The following RFX2 variants were observed in gnomAD, a reference collection of about 807,000 sequenced individuals.
The protein encoded by RFX2 is DNA-binding protein RFX2.
A neutral mutation model predicts 87.8 loss-of-function variants in RFX2; 20 were observed. That is an observed-to-expected ratio of 0.23 (90% confidence interval 0.16 to 0.33). RFX2 has a LOEUF of 0.33. RFX2 is among the 10% of genes least tolerant of loss of function. The pLI is 1.00. For missense variants in RFX2, 767 were observed against 1,012.3 expected, an observed-to-expected ratio of 0.76 and a Z score of 3.29; for synonymous variants, 397 against 431.3, an observed-to-expected ratio of 0.92 and a Z score of 0.98.
rs1256602639 is a variant in RFX2 at position 6,013,427 on chromosome 19, C to T, written c.780-322G>A. The stretch of plus-strand genomic sequence containing the variant: ...TCTCAAACTCCTGGGCTCAAGTGAT[C>T]CTCCTGCCTTGGCCTCCCAAAGTGC... On this transcript the variant is annotated intron_variant, in intron 7 of 17. Coordinates refer to ENST00000303657, the MANE Select transcript of RFX2 (RefSeq NM_000635.4). The surrounding 1 kb of genome is among the most constrained non-coding windows in gnomAD (Gnocchi z 4.1). 2.0e-5 allele frequency among the ~76,000 whole-genome samples: 3 copies of T among 151,608 alleles called. No individual in the cohort carries two copies. In the East Asian group the frequency reaches 5.8e-4, roughly 29 times the overall value.
At chr19:6,109,941 G>A (rs1007432034) in intron 1 of RFX2, among the ~76,000 whole-genome samples, 1 of 151,178 alleles carries the variant, frequency 6.6e-6, no homozygotes, top group Non-Finnish European at 1.5e-5. Flanking sequence ...GAAAATTCGA[G>A]GGTATGAGTA....
Position 6,042,134 on chromosome 19 carries a change from G to A in RFX2, c.181-11C>T, listed in dbSNP as rs768573733. On this transcript the variant is annotated splice_polypyrimidine_tract_variant and intron_variant, in intron 3 of 17. Transcript: ENST00000303657. ...CTGCACCGGCTGCACCTGAAACATC[G>A]GATACGCTGCGTTACCGCCAGTCAC... The A allele has an allele frequency of 1.9e-6, 3 of 1,613,012 alleles. No individual in the cohort carries two copies. Among genetic ancestry groups the A allele is most frequent in the Non-Finnish European group, 2.5e-6 (3 of 1,179,734 alleles).
chr19:6,100,273 T>C (rs2088098554), intron 1 of RFX2, among the ~76,000 whole-genome samples: 1 of 151,108 alleles, frequency 6.6e-6, no homozygotes, highest in Non-Finnish European at 1.5e-5. Context: ...CTTGAATGTG[T>C]GGTTACAACA....
At chr19:6,025,989 T>C (rs1341857073) in intron 6 of RFX2, among the ~76,000 whole-genome samples, 174 bp downstream of exon 6, 1 of 151,990 alleles carries the variant, frequency 6.6e-6, no homozygotes, top group Non-Finnish European at 1.5e-5. Context: ...TTCACCATGT[T>C]GGCCAGGCTG....
intron 1 of RFX2, among the ~76,000 whole-genome samples, chr19:6,103,832 G>A (rs940273476): frequency 8.5e-5 from 13 of 152,154 alleles, no homozygotes; most frequent in Middle Eastern, 3.4e-3. Context: ...TGTACTAAAC[G>A]CCTCCTTAGC....
At position 6,063,886 on chromosome 19, in the gene RFX2, G is replaced by T. The variant is rs1485351073; in HGVS notation, c.-8-16382C>A. ...ATCGCCCAGTGTCCCCTGGGGGCAG[G>T]ACCACCCCCATGGAGAACCACACGT... is the stretch of plus-strand genomic sequence containing the variant. On this transcript the variant is annotated intron_variant, in intron 1 of 17. Transcript: ENST00000303657. This position sits in a 1 kb window ranked among gnomAD's most constrained non-coding sequence, Gnocchi z 4.0. Among the ~76,000 whole-genome samples the T allele has an allele frequency of 6.6e-6, 1 of 152,130 alleles. No homozygotes were observed. Among genetic ancestry groups the T allele is most frequent in the East Asian group, 1.9e-4 (1 of 5,186 alleles).
In RFX2 at chr19:5,993,508, G is replaced by A. The variant is rs2086363257; in HGVS notation, c.*1327C>T. The A allele has an allele frequency of 6.6e-6, 1 of 152,194 alleles. No homozygotes were observed. Among genetic ancestry groups the A allele is most frequent in the Admixed American group, 6.5e-5 (1 of 15,276 alleles). The allele number at this position is 152,194 out of a possible 1,614,324, so 9.4% of individuals were successfully genotyped here. A position where few individuals can be genotyped will look rare whatever the true frequency, so the allele number is the denominator to read the frequency against. Reference sequence around the variant, plus strand: ...GTGTGAATGAGAACAAAACATTTGGGACTGAATATACTGCAATGTACACAT... The same window carrying A: ...GTGTGAATGAGAACAAAACATTTGGAACTGAATATACTGCAATGTACACAT... On this transcript the variant is annotated 3_prime_UTR_variant, in exon 18 of 18. Transcript: ENST00000303657.
rs954049297 is a variant in RFX2, at chr19:6,011,694, C to A, written c.899+1292G>T. On this transcript the variant is annotated intron_variant, in intron 8 of 17. Coordinates refer to ENST00000303657, the MANE Select transcript of RFX2 (RefSeq NM_000635.4). This position sits in a 1 kb window ranked among gnomAD's most constrained non-coding sequence, Gnocchi z 4.8. Reference sequence around the variant, plus strand: ...ACAGAAGGAATGCTCTGGAAACTCTCTCCTGGAACCTCCAACTCCTGGGAG... The same window carrying A: ...ACAGAAGGAATGCTCTGGAAACTCTATCCTGGAACCTCCAACTCCTGGGAG... 6.6e-6 allele frequency among the ~76,000 whole-genome samples: 1 copy of A among 152,220 alleles called. No individual in the cohort carries two copies. The highest frequency in any genetic ancestry group is 2.1e-4 in the South Asian group (1 of 4,832).
chr19:6,081,580 G>T (rs1269515872), intron 1 of RFX2, among the ~76,000 whole-genome samples: 1 of 152,186 alleles, frequency 6.6e-6, no homozygotes, highest in African/African-American at 2.4e-5. Context: ...AGTGTTAATT[G>T]CTATTGGCTT....
chr19:6,083,486 C>T lies in RFX2; in HGVS notation c.-9+26907G>A, dbSNP rs1393402280. 6.6e-6 allele frequency among the ~76,000 whole-genome samples: 1 copy of T among 150,658 alleles called. No homozygotes were observed. Among genetic ancestry groups the T allele is most frequent in the Admixed American group, 6.6e-5 (1 of 15,142 alleles). ...AAAAACGCAAAAAATATTCTCAACT[C>T]GTGGAAACTAAAAACAAAAATAAAA... On this transcript the variant is annotated intron_variant, in intron 1 of 17. Transcript: ENST00000303657. The surrounding 1 kb of genome is among the most constrained non-coding windows in gnomAD (Gnocchi z 4.6).
In RFX2 at chr19:6,061,402, G is replaced by A. The variant is rs867553619; in HGVS notation, c.-8-13898C>T. On this transcript the variant is annotated intron_variant, in intron 1 of 17. Transcript: ENST00000303657. This position sits in a 1 kb window ranked among gnomAD's most constrained non-coding sequence, Gnocchi z 5.2. Reference sequence around the variant, plus strand: ...CAAGGTGGGGGTTCCAGACCATTTCGATGTCGAAAAGGTCTGCTGTCTGTA... The same window carrying A: ...CAAGGTGGGGGTTCCAGACCATTTCAATGTCGAAAAGGTCTGCTGTCTGTA... 3.9e-5 allele frequency among the ~76,000 whole-genome samples: 6 copies of A among 152,202 alleles called. No individual in the cohort carries two copies. The highest frequency in any genetic ancestry group is 3.9e-4 in the East Asian group (2 of 5,180).
At chr19:6,030,906 C>T (rs540361407) in intron 5 of RFX2, among the ~76,000 whole-genome samples, 2 of 152,244 alleles carry the variant, frequency 1.3e-5, no homozygotes, top group South Asian at 4.1e-4. Context: ...GTTTGCAGAT[C>T]TTCCAGACAT....
Position 6,007,211 on chromosome 19 carries a change from GGGCTCA to G in RFX2, c.1248-51_1248-46del, listed in dbSNP as rs2086595322. 6.3e-7 allele frequency: 1 copy of G among 1,592,256 alleles called. No individual in the cohort carries two copies. The highest frequency in any genetic ancestry group is 1.7e-5 in the Admixed American group (1 of 58,828). On this transcript the variant is annotated intron_variant, in intron 11 of 17. Coordinates refer to ENST00000303657, the MANE Select transcript of RFX2 (RefSeq NM_000635.4). This position sits in a 1 kb window ranked among gnomAD's most constrained non-coding sequence, Gnocchi z 8.2. Reference sequence around the variant, plus strand: ...AGGTGAGCTGTGGCCTGGCCCAGGTGGGCTCACTCAGCCACGGGAGCGAGCAGAGAG... The same window carrying G: ...AGGTGAGCTGTGGCCTGGCCCAGGTGCTCAGCCACGGGAGCGAGCAGAGAG...
chr19:6,026,596 T>A lies in RFX2; in HGVS notation c.523-359A>T. On this transcript the variant is annotated intron_variant, in intron 5 of 17. Transcript: ENST00000303657. The surrounding 1 kb of genome is among the most constrained non-coding windows in gnomAD (Gnocchi z 4.5). ...CATTCCAGTGTCAGCCAAGCCAGCA[T>A]CATAGTCACCTGCTCCTTTCCCCAC... is the stretch of plus-strand genomic sequence containing the variant. 3.4e-6 allele frequency: 1 copy of A among 297,268 alleles called. No homozygotes were observed. Among genetic ancestry groups the A allele is most frequent in the East Asian group, 1.0e-4 (1 of 9,716 alleles). 18.4% of individuals were successfully genotyped at this position (297,268 alleles called of 1,614,324 possible). A position where few individuals can be genotyped will look rare whatever the true frequency, so the allele number is the denominator to read the frequency against.
At chr19:6,108,197 T>G (rs1307990472) in intron 1 of RFX2, among the ~76,000 whole-genome samples, 3 of 152,228 alleles carry the variant, frequency 2.0e-5, no homozygotes, top group Non-Finnish European at 4.4e-5. Flanking sequence ...CCACGCCTGT[T>G]GATGAAGAAG....
At position 6,013,185 on chromosome 19, in the gene RFX2, TTTC is replaced by T. The variant is rs1028612051; in HGVS notation, c.780-83_780-81del. 7.1e-5 allele frequency: 99 copies of T among 1,385,690 alleles called. No homozygotes were observed. Among genetic ancestry groups the T allele is most frequent in the Non-Finnish European group, 5.5e-5 (57 of 1,044,718 alleles). 85.8% of individuals were successfully genotyped at this position (1,385,690 alleles called of 1,614,324 possible). A position where few individuals can be genotyped will look rare whatever the true frequency, so the allele number is the denominator to read the frequency against. ...GACAGGTTGGGATTCTTTTTCTTTCTTTCTTCTTTTTTTTTTTTGAGACAGAAT... is the reference window on the plus strand; with the variant it reads ...GACAGGTTGGGATTCTTTTTCTTTCTTTCTTTTTTTTTTTTGAGACAGAAT... On this transcript the variant is annotated intron_variant, in intron 7 of 17. Transcript: ENST00000303657. The surrounding 1 kb of genome is among the most constrained non-coding windows in gnomAD (Gnocchi z 4.1).
intron 5 of RFX2, among the ~76,000 whole-genome samples, chr19:6,029,397 T>C (rs1458178728): frequency 6.6e-6 from 1 of 152,020 alleles, no homozygotes; most frequent in African/African-American, 2.4e-5. Flanking sequence ...AAGGAAATCA[T>C]GTACAAAGCA....
Position 6,044,178 on chromosome 19 carries a change from G to T in RFX2, c.180+15C>A. On this transcript the variant is annotated intron_variant, in intron 3 of 17. Coordinates refer to ENST00000303657, the MANE Select transcript of RFX2 (RefSeq NM_000635.4). This position sits in a 1 kb window ranked among gnomAD's most constrained non-coding sequence, Gnocchi z 5.3. ...TGCGCCCCGGTTTGCACGGTGCTGCGGTGCTTGTCATTACCTGCTGGGGTA... is the reference window on the plus strand; with the variant it reads ...TGCGCCCCGGTTTGCACGGTGCTGCTGTGCTTGTCATTACCTGCTGGGGTA... 6.6e-7 allele frequency: 1 copy of T among 1,513,178 alleles called. No individual in the cohort carries two copies. The highest frequency in any genetic ancestry group is 8.9e-7 in the Non-Finnish European group (1 of 1,125,748). The allele number at this position is 1,513,178 out of a possible 1,614,324, so 93.7% of individuals were successfully genotyped here.
Position 6,021,989 on chromosome 19 carries a change from T to C in RFX2, c.597+4174A>G, listed in dbSNP as rs992433475. Among the ~76,000 whole-genome samples the C allele has an allele frequency of 6.6e-6, 1 of 152,024 alleles. No individual in the cohort carries two copies. The highest frequency in any genetic ancestry group is 2.4e-5 in the African/African-American group (1 of 41,392). On this transcript the variant is annotated intron_variant, in intron 6 of 17. Coordinates refer to ENST00000303657, the MANE Select transcript of RFX2 (RefSeq NM_000635.4). The surrounding 1 kb of genome is among the most constrained non-coding windows in gnomAD (Gnocchi z 5.7). The stretch of plus-strand genomic sequence containing the variant: ...GGGGGGTGCCACCTGGTTCTGGATC[T>C]TTCTTGAAGGTGAGGTTGAAGAGCA...
Sources: allele counts gnomAD v4.1 joint callset (sites outside exome capture counted in the v4.1 genomes callset), GRCh38; gene constraint gnomAD v4.1.1; non-coding constraint Gnocchi (gnomAD v3.1); transcripts MANE v1.5; gene names NCBI Gene and HGNC (gene_info 2026-07-23, HGNC 2026-07-21).